The following LINC00305 variants were observed in gnomAD, a reference collection of about 807,000 sequenced individuals.
LINC00305 encodes long independently transcribed non-coding RNA 305, also known as long intergenic non-protein coding RNA 305.
intron 3 of LINC00305, among the ~76,000 whole-genome samples, chr18:64,097,567 A>T (rs2051249531): frequency 6.7e-6 from 1 of 149,860 alleles, no homozygotes; most frequent in African/African-American, 2.4e-5. Flanking sequence ...CTTATTATTA[A>T]GACTTATGAA....
intron 3 of LINC00305, among the ~76,000 whole-genome samples, chr18:64,097,351 C>A (rs1311705861): frequency 6.6e-6 from 1 of 152,024 alleles, no homozygotes; most frequent in African/African-American, 2.4e-5. Flanking sequence ...AAAGAGTCTG[C>A]CCCACCACTG....
intron 3 of LINC00305, among the ~76,000 whole-genome samples, chr18:64,086,875 A>T (rs1216557313): frequency 6.6e-6 from 1 of 152,234 alleles, no homozygotes; most frequent in Non-Finnish European, 1.5e-5. Flanking sequence ...ATAAGGTAGC[A>T]GTATGGCAAG....
chr18:64,100,747 C>T (rs564174605), intron 1 of LINC00305, among the ~76,000 whole-genome samples: 1 of 152,258 alleles, frequency 6.6e-6, no homozygotes, highest in South Asian at 2.1e-4. Flanking sequence ...ACTCGTGCAC[C>T]TGTGTGTCCA....
intron 3 of LINC00305, among the ~76,000 whole-genome samples, chr18:64,084,164 C>G (rs986433623): frequency 1.3e-5 from 2 of 152,200 alleles, no homozygotes; most frequent in Admixed American, 1.3e-4. Flanking sequence ...CCAAGAAAGG[C>G]AATTTCTACA....
intron 3 of LINC00305, among the ~76,000 whole-genome samples, chr18:64,082,327 C>T (rs1201534705): frequency 2.6e-5 from 4 of 152,022 alleles, no homozygotes; most frequent in Admixed American, 2.6e-4. Flanking sequence ...GAGAACCCAC[C>T]AAAAGCCCCA....
rs146028338 is a variant in LINC00305, at chr18:64,111,385, C to T, written n.315-12745G>A. On this transcript the variant is annotated intron_variant and non_coding_transcript_variant, in intron 1 of 3. Transcript: ENST00000666468. ...TGTATGCCCAGATTCCAGCCTAATA[C>T]GTGACACACAGTAGGTTCTCAGCCA... Among the ~76,000 whole-genome samples the T allele has an allele frequency of 4.3e-3, 651 of 152,226 alleles. 4 individuals carry two copies. The highest frequency in any genetic ancestry group is 0.014 in the African/African-American group (599 of 41,540).
chr18:64,098,118 C>A lies in LINC00305; in HGVS notation n.379-123G>T, dbSNP rs192772816. On this transcript the variant is annotated intron_variant and non_coding_transcript_variant, in intron 2 of 3. Transcript: ENST00000666468. ...GCAAAGTTCTCTGACCAACATTGTCCATTAAAGATAATACTAGAAATATAA... is the reference window on the plus strand; with the variant it reads ...GCAAAGTTCTCTGACCAACATTGTCAATTAAAGATAATACTAGAAATATAA... The A allele has an allele frequency of 1.8e-5, 7 of 389,272 alleles. 1 individual carries two copies. The Admixed American group carries it at 2.1e-4, about 12-fold the overall frequency. The allele number at this position is 389,272 out of a possible 1,614,324, so 24.1% of individuals were successfully genotyped here. A position where few individuals can be genotyped will look rare whatever the true frequency, so the allele number is the denominator to read the frequency against.
chr18:64,142,531 T>A (rs1183754679), intron 1 of LINC00305, among the ~76,000 whole-genome samples: 2 of 152,070 alleles, frequency 1.3e-5, no homozygotes, highest in Non-Finnish European at 2.9e-5. Flanking sequence ...GCTTGATGAG[T>A]CTCTGGAGAC....
At chr18:64,145,454 C>T (rs1422333038) in intron 1 of LINC00305, among the ~76,000 whole-genome samples, 1 of 152,188 alleles carries the variant, frequency 6.6e-6, no homozygotes, top group Non-Finnish European at 1.5e-5. Context: ...GGTGACCCCC[C>T]TGGACCCAGC....
At position 64,136,011 on chromosome 18, in the gene LINC00305, G is replaced by T. The variant is rs115073100; in HGVS notation, n.314+12764C>A. Among the ~76,000 whole-genome samples, 1,454 of 152,258 alleles carry T rather than the reference G, an allele frequency of 9.5e-3. 27 individuals are homozygous for T. The highest frequency in any genetic ancestry group is 0.034 in the African/African-American group (1,393 of 41,546). ...CAAGTTTGAATAATCAGCAGGGCTT[G>T]CATCTAATGGCCCAGCTCCGACCAG... On this transcript the variant is annotated intron_variant and non_coding_transcript_variant, in intron 1 of 3. Coordinates refer to ENST00000666468, the Ensembl canonical transcript of LINC00305.
At chr18:64,094,887 T>TAAATAAATAAATAAATAAATAAA (rs780361977) in intron 3 of LINC00305, among the ~76,000 whole-genome samples, 2,904 of 114,640 alleles carry the variant, frequency 0.025, 51 homozygotes, top group Non-Finnish European at 0.035. Flanking sequence ...AAATAAATAA[T>TAAATAAATAAATAAATAAATAAA]AAAATAAAAT....
At position 64,130,562 on chromosome 18, in the gene LINC00305, T is replaced by C. The variant is rs373677769; in HGVS notation, n.314+18213A>G. 1.3e-3 allele frequency among the ~76,000 whole-genome samples: 202 copies of C among 152,284 alleles called. 2 individuals are homozygous for C. In the South Asian group the frequency reaches 0.041, roughly 31 times the overall value. On this transcript the variant is annotated intron_variant and non_coding_transcript_variant, in intron 1 of 3. Transcript: ENST00000666468. Reference sequence around the variant, plus strand: ...TTCCCAATAAATTTTACTTACCTTATGCATTAAAAGATCGATAAGTAAACT... The same window carrying C: ...TTCCCAATAAATTTTACTTACCTTACGCATTAAAAGATCGATAAGTAAACT...
rs141730385 is a variant in LINC00305, at chr18:64,091,704, C to T, written n.540+6130G>A. 1.7e-4 allele frequency among the ~76,000 whole-genome samples: 26 copies of T among 152,328 alleles called. 1 individual carries two copies. The East Asian group carries it at 5.0e-3, about 29-fold the overall frequency. Reference sequence around the variant, plus strand: ...GGTGCTAACATAAAATCTGCTTCTTCATTTCACCACACTCTCCCTGTTGCT... The same window carrying T: ...GGTGCTAACATAAAATCTGCTTCTTTATTTCACCACACTCTCCCTGTTGCT... On this transcript the variant is annotated intron_variant and non_coding_transcript_variant, in intron 3 of 3. Coordinates refer to ENST00000666468, the Ensembl canonical transcript of LINC00305.
intron 1 of LINC00305, among the ~76,000 whole-genome samples, chr18:64,143,685 CACATATTATGCG>C (rs1225956855): frequency 4.7e-5 from 7 of 148,830 alleles, no homozygotes; most frequent in African/African-American, 1.8e-4. Flanking sequence ...TATGTATGTC[CACATATTATGCG>C]TACATGTATG....
At chr18:64,096,781 G>T (rs72947345) in intron 3 of LINC00305, among the ~76,000 whole-genome samples, 10,251 of 151,788 alleles carry the variant, frequency 0.068, 511 homozygotes, top group Non-Finnish European at 0.11. Flanking sequence ...GTAAGTTAAA[G>T]AACACAATAA....
chr18:64,097,930 A>G (rs759830431), exon 3 of LINC00305: 1 of 458,046 alleles, frequency 2.2e-6, no homozygotes, highest in South Asian at 1.5e-5. Context: ...GATAAACCAG[A>G]AGGCTGCTGA....
rs150904135 is a variant in LINC00305, at chr18:64,099,651, G to A, written n.315-1011C>T. On this transcript the variant is annotated intron_variant and non_coding_transcript_variant, in intron 1 of 3. Coordinates refer to ENST00000666468, the Ensembl canonical transcript of LINC00305. ...TTCACAGAGGATTTAACGTGTAATG[G>A]TAAGAACTCGGAACTGAGTGCAAAC... Among the ~76,000 whole-genome samples the A allele has an allele frequency of 2.8e-4, 42 of 152,288 alleles. 1 individual carries two copies. The highest frequency in any genetic ancestry group is 9.9e-4 in the African/African-American group (41 of 41,562).
chr18:64,096,665 A>G (rs1031665728), intron 3 of LINC00305, among the ~76,000 whole-genome samples: 1 of 151,950 alleles, frequency 6.6e-6, no homozygotes, highest in East Asian at 1.9e-4. Flanking sequence ...ACTATAAACA[A>G]TCATACCAAA....
intron 1 of LINC00305, among the ~76,000 whole-genome samples, chr18:64,129,979 CTT>C (rs558611422): frequency 1.4e-5 from 2 of 142,232 alleles, no homozygotes. Context: ...ATGTCATTTT[CTT>C]TTTTTTTTTT....
Sources: gnomAD v4.1 joint callset for allele counts (sites outside exome capture counted in the v4.1 genomes callset) on GRCh38, gnomAD v4.1.1 for gene constraint, MANE v1.5 for transcripts, NCBI Gene and HGNC (gene_info 2026-07-23, HGNC 2026-07-21) for gene names.